Variants in WDPCP observed in about 807,000 individuals in gnomAD.
The protein encoded by WDPCP is WD repeat containing planar cell polarity effector, also known as WD repeat-containing and planar cell polarity effector protein fritz homolog.
In WDPCP, 71 loss-of-function variants were observed where a neutral mutation model predicts 93.1. That is an observed-to-expected ratio of 0.76 (90% CI 0.63 to 0.93). WDPCP has a LOEUF of 0.93. WDPCP is among the 40% of genes least tolerant of loss of function. The probability of loss-of-function intolerance (pLI) is 0.00; values close to 1 mark genes in which losing one functional copy is unlikely to be tolerated. For missense variants in WDPCP, 844 were observed against 887.4 expected (o/e 0.95, Z 0.62); for synonymous variants, 315 against 315.0 (o/e 1.00, Z 0.00).
chr2:63,334,749 C>CA (rs1194890734), intron 12 of WDPCP, among the ~76,000 whole-genome samples: 1 of 152,072 alleles, frequency 6.6e-6, no homozygotes, highest in African/African-American at 2.4e-5. Flanking sequence ...AGGACCCAAA[C>CA]TCACTAAGCC....
intron 2 of WDPCP, among the ~76,000 whole-genome samples, chr2:63,704,476 A>G (rs1403554824): frequency 1.3e-5 from 2 of 152,196 alleles, no homozygotes; most frequent in Admixed American, 6.5e-5. Context: ...CGTCCCATCA[A>G]TACCTAATTT....
Position 63,588,322 on chromosome 2 carries a change from G to A in WDPCP, c.-51C>T, listed in dbSNP as rs373077089. On this transcript the variant is annotated 5_prime_UTR_variant, in exon 1 of 18. Coordinates refer to ENST00000272321, the MANE Select transcript of WDPCP (RefSeq NM_015910.7). ...GTTCCTAGGCTAGGTCCTCGGACCC[G>A]AGAGGGAGCGACACGCTCGCTTGGT... 4.1e-5 allele frequency: 64 copies of A among 1,546,212 alleles called. No individual in the cohort carries two copies. The Admixed American group carries it at 6.0e-4, about 15-fold the overall frequency.
At chr2:63,383,617 G>A (rs996822894) in intron 10 of WDPCP, among the ~76,000 whole-genome samples, 8 of 152,146 alleles carry the variant, frequency 5.3e-5, no homozygotes, top group Non-Finnish European at 8.8e-5. Flanking sequence ...GGAGGCTGCA[G>A]CAGGAGAATC....
At chr2:63,582,179 T>C (rs981658685) in intron 1 of WDPCP, among the ~76,000 whole-genome samples, 9 of 152,258 alleles carry the variant, frequency 5.9e-5, no homozygotes, top group Admixed American at 2.6e-4. Context: ...TATAACTGTA[T>C]TCCACATGTT....
intron 2 of WDPCP, among the ~76,000 whole-genome samples, chr2:63,669,839 A>C (rs1710324312): frequency 6.6e-6 from 1 of 152,254 alleles, no homozygotes; most frequent in African/African-American, 2.4e-5. Context: ...TAGCAACCCC[A>C]GGATTTGTCC....
At chr2:63,277,631 A>G (rs966799814) in intron 13 of WDPCP, among the ~76,000 whole-genome samples, 3 of 152,228 alleles carry the variant, frequency 2.0e-5, no homozygotes, top group Non-Finnish European at 4.4e-5. Context: ...ACAAACTTTA[A>G]GACAACAGCA....
At chr2:63,720,763 CACTCCCATGGCAGTT>C (rs1558894109) in intron 2 of WDPCP, among the ~76,000 whole-genome samples, 1 of 152,170 alleles carries the variant, frequency 6.6e-6, no homozygotes, top group African/African-American at 2.4e-5. Context: ...GGATGGCAGT[CACTCCCATGGCAGTT>C]AAACAGAAAC....
chr2:63,348,061 T>C (rs189087588), intron 12 of WDPCP, among the ~76,000 whole-genome samples: 12 of 152,328 alleles, frequency 7.9e-5, no homozygotes, highest in African/African-American at 2.9e-4. Flanking sequence ...GTAGGCGAGA[T>C]AGCCACAAAC....
chr2:63,242,506 C>T (rs1329439014), intron 14 of WDPCP, among the ~76,000 whole-genome samples: 1 of 152,122 alleles, frequency 6.6e-6, no homozygotes, highest in Admixed American at 6.5e-5. Flanking sequence ...CCTATAGTCC[C>T]AGCTACACAG....
At chr2:63,301,965 C>CA (rs1166035501) in intron 13 of WDPCP, among the ~76,000 whole-genome samples, 1 of 152,152 alleles carries the variant, frequency 6.6e-6, no homozygotes, top group Non-Finnish European at 1.5e-5. Flanking sequence ...GCAAGTGTTA[C>CA]AAAATCAACC....
chr2:63,313,284 G>C lies in WDPCP; in HGVS notation c.1776C>G (p.Leu592=). ...CACGAGCACCAACGTCAACAGCTAG[G>C]AGAAATGCCTTTTCAAACCTCTGGT... ...LRYQRFEKAF[L]LAVDVGARDL... The change falls in exon 13 of 18, where the codon CTC becomes CTG. Residue 592 remains leucine, a synonymous_variant. Transcript: ENST00000272321. The C allele has an allele frequency of 6.2e-7, 1 of 1,613,662 alleles. No individual in the cohort carries two copies. The highest frequency in any genetic ancestry group is 8.5e-7 in the Non-Finnish European group (1 of 1,179,734).
At chr2:63,344,267 A>G (rs1689041325) in intron 12 of WDPCP, among the ~76,000 whole-genome samples, 1 of 152,138 alleles carries the variant, frequency 6.6e-6, no homozygotes, top group South Asian at 2.1e-4. Flanking sequence ...TGAAGTCTCC[A>G]TTTCATTATC....
At chr2:63,239,291 G>A (rs1679674321) in intron 14 of WDPCP, among the ~76,000 whole-genome samples, 3 of 152,138 alleles carry the variant, frequency 2.0e-5, no homozygotes, top group Non-Finnish European at 4.4e-5. Flanking sequence ...TCTGCTCACT[G>A]CAAGCTCCGC....
chr2:63,317,908 T>G (rs974579622), intron 12 of WDPCP, among the ~76,000 whole-genome samples: 3 of 151,798 alleles, frequency 2.0e-5, no homozygotes, highest in African/African-American at 7.3e-5. Context: ...AACAAAAAAT[T>G]CATGAATGGA....
In WDPCP at chr2:63,453,657, T is replaced by C. The variant is rs569808313; in HGVS notation, c.385-13786A>G. On this transcript the variant is annotated intron_variant, in intron 6 of 17. Coordinates refer to ENST00000272321, the MANE Select transcript of WDPCP (RefSeq NM_015910.7). ...GACACATGCACACGTATGTTTATTG[T>C]GGCATTATTCACAATAGCAAAGACG... Among the ~76,000 whole-genome samples, 7 of 152,168 alleles carry C rather than the reference T, an allele frequency of 4.6e-5. No homozygotes were observed. In the South Asian group the frequency reaches 1.2e-3, roughly 27 times the overall value.
chr2:63,682,197 C>T (rs1342936666), intron 2 of WDPCP, among the ~76,000 whole-genome samples: 2 of 152,200 alleles, frequency 1.3e-5, no homozygotes, highest in African/African-American at 4.8e-5. Context: ...AATAAGGTAC[C>T]AGGGACCAAT....
chr2:63,142,497 G>A (rs1253337930), intron 17 of WDPCP, among the ~76,000 whole-genome samples: 2 of 152,156 alleles, frequency 1.3e-5, no homozygotes, highest in Non-Finnish European at 1.5e-5. Flanking sequence ...TGATCTGAGA[G>A]CGTGCTTGAT....
At chr2:63,360,838 T>C (rs1296347742) in intron 12 of WDPCP, among the ~76,000 whole-genome samples, 6 of 152,230 alleles carry the variant, frequency 3.9e-5, no homozygotes, top group African/African-American at 1.4e-4. Context: ...GTGATGATCA[T>C]TCAAACTTAA....
At chr2:63,474,082 G>A (rs942268385) in intron 6 of WDPCP, among the ~76,000 whole-genome samples, 1 of 152,026 alleles carries the variant, frequency 6.6e-6, no homozygotes, top group Admixed American at 6.6e-5. Flanking sequence ...AAATGAAAAT[G>A]AGTTAATATT....
Sources: gnomAD v4.1 joint callset for allele counts (sites outside exome capture counted in the v4.1 genomes callset) on GRCh38, gnomAD v4.1.1 for gene constraint, MANE v1.5 for transcripts, NCBI Gene and HGNC (gene_info 2026-07-23, HGNC 2026-07-21) for gene names.